The following DTL variants were observed in gnomAD, a reference collection of about 807,000 sequenced individuals.
The protein encoded by DTL is denticleless E3 ubiquitin protein ligase adapter, also known as denticleless protein homolog.
DTL carries 46 observed loss-of-function variants against 87.0 expected under a neutral mutation model. That is an observed-to-expected ratio of 0.53 (90% confidence interval 0.42 to 0.68). The LOEUF (loss-of-function observed/expected upper bound fraction) is 0.68. DTL is among the 30% of genes least tolerant of loss of function. The probability of loss-of-function intolerance (pLI) is 0.00; values close to 1 mark genes in which losing one functional copy is unlikely to be tolerated. For synonymous variants in DTL, 308 were observed against 311.2 expected (o/e 0.99, Z 0.11); for missense variants, 737 against 869.4 (o/e 0.85, Z 1.91).
At chr1:212,052,740 A>AT (rs201733557) in intron 5 of DTL, among the ~76,000 whole-genome samples, 342 of 142,088 alleles carry the variant, frequency 2.4e-3, no homozygotes, top group Middle Eastern at 0.01. Context: ...ATATATATAT[A>AT]TTTTTTTTCA....
At chr1:212,072,794 C>T (rs1446915124) in intron 11 of DTL, among the ~76,000 whole-genome samples, 9 of 133,970 alleles carry the variant, frequency 6.7e-5, no homozygotes, top group Non-Finnish European at 1.2e-4. Context: ...GATGGAGTCT[C>T]ACTCTGTCGC....
intron 5 of DTL, among the ~76,000 whole-genome samples, chr1:212,056,011 C>G (rs1261282469): frequency 6.6e-6 from 1 of 152,208 alleles, no homozygotes; most frequent in Non-Finnish European, 1.5e-5. Context: ...GCCTGCCCAA[C>G]CTGTCACAGC....
At chr1:212,059,439 G>A (rs1668273187) in intron 5 of DTL, among the ~76,000 whole-genome samples, 9 of 151,984 alleles carry the variant, frequency 5.9e-5, no homozygotes, top group Admixed American at 5.9e-4. Flanking sequence ...CATTTTAGTA[G>A]ATAGAGAAAA....
intron 5 of DTL, among the ~76,000 whole-genome samples, chr1:212,050,168 C>A (rs559728739): frequency 6.6e-6 from 1 of 152,132 alleles, no homozygotes; most frequent in South Asian, 2.1e-4. Context: ...GAGACCCAGT[C>A]TCAAAATAAA....
At chr1:212,054,668 G>A (rs1354548588) in intron 5 of DTL, among the ~76,000 whole-genome samples, 1 of 151,876 alleles carries the variant, frequency 6.6e-6, no homozygotes, top group Non-Finnish European at 1.5e-5. Flanking sequence ...GGTGACACAT[G>A]CCTGTAATCC....
intron 13 of DTL, among the ~76,000 whole-genome samples, chr1:212,088,884 C>T (rs755719211): frequency 8.5e-5 from 13 of 152,088 alleles, no homozygotes; most frequent in Non-Finnish European, 1.5e-4. Context: ...GTCAGGAGTT[C>T]GGGACTAGTC....
chr1:212,070,634 C>CTGTG (rs59056654), intron 10 of DTL, among the ~76,000 whole-genome samples: 35,683 of 149,104 alleles, frequency 0.24, 5,448 homozygotes, highest in Non-Finnish European at 0.35. Flanking sequence ...TGAATGACAA[C>CTGTG]TGTGTGTGTG....
intron 13 of DTL, among the ~76,000 whole-genome samples, chr1:212,082,225 A>G (rs1180303176): frequency 4.6e-5 from 7 of 152,160 alleles, no homozygotes; most frequent in Non-Finnish European, 8.8e-5. Context: ...GGATTAGGCA[A>G]TCATAGGGGT....
chr1:212,045,953 A>G (rs928206620), intron 3 of DTL, among the ~76,000 whole-genome samples: 1 of 139,286 alleles, frequency 7.2e-6, no homozygotes, highest in Non-Finnish European at 1.6e-5. Context: ...TTGTTGTTGT[A>G]TTTTTGGTAG....
At chr1:212,081,549 T>C (rs1460267796) in intron 13 of DTL, among the ~76,000 whole-genome samples, 1 of 152,222 alleles carries the variant, frequency 6.6e-6, no homozygotes, top group Non-Finnish European at 1.5e-5. Context: ...GGATAAATTG[T>C]AAGGGGGTCA....
intron 5 of DTL, among the ~76,000 whole-genome samples, chr1:212,062,198 T>A (rs1654347063): frequency 6.6e-6 from 1 of 152,218 alleles, no homozygotes; most frequent in Non-Finnish European, 1.5e-5. Context: ...TGTTTTTGTG[T>A]TTTATCCCAT....
chr1:212,081,476 G>A (rs986687852), intron 13 of DTL, among the ~76,000 whole-genome samples: 1 of 152,226 alleles, frequency 6.6e-6, no homozygotes, highest in Non-Finnish European at 1.5e-5. Flanking sequence ...TCCACCAGAG[G>A]GTTTGGAGCA....
chr1:212,065,807 A>G (rs4309042), intron 7 of DTL, among the ~76,000 whole-genome samples: 147,787 of 152,144 alleles, frequency 0.97, 71,790 homozygotes, highest in East Asian at 1. Context: ...CCAGGTTCAC[A>G]CCATTCTCCT....
At position 212,102,996 on chromosome 1, in the gene DTL, G is replaced by C. The variant is rs541814737; in HGVS notation, c.*56G>C. ...GTCCACTAAAACAAGCTGAGCTTTG[G>C]TCCACTAAAACAAGATGAAAAATAC... On this transcript the variant is annotated 3_prime_UTR_variant, in exon 15 of 15. Coordinates refer to ENST00000366991, the MANE Select transcript of DTL (RefSeq NM_016448.4). 77 of 1,047,642 alleles carry C rather than the reference G, an allele frequency of 7.3e-5. No homozygotes were observed. The African/African-American group carries it at 1.0e-3, about 14-fold the overall frequency. The allele number at this position is 1,047,642 out of a possible 1,614,324, so 64.9% of individuals were successfully genotyped here.
At chr1:212,060,740 A>G (rs1654259229) in intron 5 of DTL, among the ~76,000 whole-genome samples, 1 of 152,002 alleles carries the variant, frequency 6.6e-6, no homozygotes, top group Non-Finnish European at 1.5e-5. Flanking sequence ...GTCTCAAAAA[A>G]AAAAAAAAAA....
chr1:212,100,461 C>T lies in DTL; in HGVS notation c.1471C>T (p.Pro491Ser), dbSNP rs762232927. ...AAGAGGCTCTGTCTCCTCCGTCTCT[C>T]CCAAGCCACCTTCATCTTTCAAGAT... ...NRRGSVSSVS[P>S]KPPSSFKMSI... The change falls in exon 14 of 15, where the codon CCC (proline) becomes TCC (serine). Residue 491 changes from proline to serine, a missense_variant. Pro to Ser is a moderately conservative substitution (Grantham distance 74). Coordinates refer to ENST00000366991, the MANE Select transcript of DTL (RefSeq NM_016448.4). 6.2e-7 allele frequency: 1 copy of T among 1,613,946 alleles called. No homozygotes were observed. Among genetic ancestry groups the T allele is most frequent in the South Asian group, 1.1e-5 (1 of 91,066 alleles).
intron 13 of DTL, among the ~76,000 whole-genome samples, chr1:212,094,882 T>G (rs1363655730): frequency 1.3e-5 from 2 of 152,182 alleles, no homozygotes; most frequent in African/African-American, 4.8e-5. Flanking sequence ...GTTGATTTGA[T>G]TTGCAGCTTG....
chr1:212,094,641 G>A lies in DTL; in HGVS notation c.1262-5611G>A, dbSNP rs575549129. Among the ~76,000 whole-genome samples the A allele has an allele frequency of 1.1e-4, 16 of 152,258 alleles. No homozygotes were observed. In the South Asian group the frequency reaches 2.9e-3, roughly 28 times the overall value. On this transcript the variant is annotated intron_variant, in intron 13 of 14. Coordinates refer to ENST00000366991, the MANE Select transcript of DTL (RefSeq NM_016448.4). Reference sequence around the variant, plus strand: ...TGTTTTTTCTAGTTCTGTGAAGAACGATGATGGTATTTTGATGGGAATTGC... The same window carrying A: ...TGTTTTTTCTAGTTCTGTGAAGAACAATGATGGTATTTTGATGGGAATTGC...
At chr1:212,079,194 C>T (rs901810426) in intron 12 of DTL, among the ~76,000 whole-genome samples, 1 of 152,004 alleles carries the variant, frequency 6.6e-6, no homozygotes, top group Non-Finnish European at 1.5e-5. Context: ...CCCAAAATTA[C>T]ATATTAATGA....
Sources: gnomAD v4.1 joint callset for allele counts (sites outside exome capture counted in the v4.1 genomes callset) on GRCh38, gnomAD v4.1.1 for gene constraint, MANE v1.5 for transcripts, NCBI Gene and HGNC (gene_info 2026-07-23, HGNC 2026-07-21) for gene names.